Variants in PRKN observed in about 807,000 individuals in gnomAD.
The protein encoded by PRKN is E3 ubiquitin-protein ligase parkin.
In PRKN, 56 loss-of-function variants were observed where a neutral mutation model predicts 59.5. The observed-to-expected ratio is 0.94, with a 90% CI of 0.76 to 1.18. PRKN has a LOEUF of 1.18. Among genes scored for constraint, PRKN ranks in the 50% most tolerant of loss-of-function variants. The pLI, the probability that PRKN is intolerant of heterozygous loss-of-function variation, is 0.00. For synonymous variants in PRKN, 250 were observed against 222.1 expected, an observed-to-expected ratio of 1.13 and a Z score of -1.12; for missense variants, 657 against 596.4, an observed-to-expected ratio of 1.10 and a Z score of -1.06.
At chr6:162,331,302 TG>T (rs1783560458) in intron 2 of PRKN, among the ~76,000 whole-genome samples, 1 of 152,244 alleles carries the variant, frequency 6.6e-6, no homozygotes, top group Middle Eastern at 3.4e-3. Context: ...GAGATTTGGG[TG>T]GAGACACAGA....
intron 4 of PRKN, among the ~76,000 whole-genome samples, chr6:162,054,660 C>A (rs918374721): frequency 1.3e-5 from 2 of 152,192 alleles, no homozygotes; most frequent in East Asian, 1.9e-4. Flanking sequence ...CATCCCAGCA[C>A]CTAGAGGAGG....
At chr6:161,899,102 C>T (rs1777780221) in intron 6 of PRKN, among the ~76,000 whole-genome samples, 1 of 152,216 alleles carries the variant, frequency 6.6e-6, no homozygotes, top group Non-Finnish European at 1.5e-5. Flanking sequence ...CAGCATCCTC[C>T]ACCCCGCAGC....
At chr6:162,026,754 G>A (rs1256018574) in intron 5 of PRKN, among the ~76,000 whole-genome samples, 3 of 152,100 alleles carry the variant, frequency 2.0e-5, no homozygotes, top group African/African-American at 4.8e-5. Flanking sequence ...TTCTCCAACT[G>A]TGTACATTCA....
intron 11 of PRKN, among the ~76,000 whole-genome samples, chr6:161,351,466 A>C (rs1784548954): frequency 6.6e-6 from 1 of 151,626 alleles, no homozygotes; most frequent in Non-Finnish European, 1.5e-5. Flanking sequence ...CTGGGATTAC[A>C]GGCGCCCACC....
At chr6:162,604,317 C>G (rs564111428) in intron 1 of PRKN, among the ~76,000 whole-genome samples, 58 of 152,278 alleles carry the variant, frequency 3.8e-4, no homozygotes, top group African/African-American at 1.3e-3. Context: ...CTGTGGTAAT[C>G]CTTATTTGTT....
At position 161,362,134 on chromosome 6, in the gene PRKN, A is replaced by G. The variant is rs557808031; in HGVS notation, c.1168-1929T>C. Among the ~76,000 whole-genome samples, 1 of 152,338 alleles carries G rather than the reference A, an allele frequency of 6.6e-6. No homozygotes were observed. Among genetic ancestry groups the G allele is most frequent in the South Asian group, 2.1e-4 (1 of 4,830 alleles). On this transcript the variant is annotated intron_variant, in intron 10 of 11. Transcript: ENST00000366898. This position sits in a 1 kb window ranked among gnomAD's most constrained non-coding sequence, Gnocchi z 5.2. ...AAAATACAATTTTACTTATCAGAAA[A>G]TAATTTCAAAATGCCATTTTTTAGC... is the stretch of plus-strand genomic sequence containing the variant.
chr6:162,451,366 G>T, intron 1 of PRKN, among the ~76,000 whole-genome samples: 1 of 70,406 alleles, frequency 1.4e-5, no homozygotes, highest in South Asian at 4.5e-4. Context: ...CCTTAAAGGA[G>T]TAAAAAAAAA....
intron 9 of PRKN, among the ~76,000 whole-genome samples, chr6:161,431,047 G>A (rs1788623519): frequency 1.3e-5 from 2 of 151,200 alleles, no homozygotes; most frequent in Admixed American, 1.3e-4. Context: ...GTTGAGACAG[G>A]AGAATTGCTT....
At chr6:161,865,325 T>A (rs956650992) in intron 6 of PRKN, among the ~76,000 whole-genome samples, 1 of 152,230 alleles carries the variant, frequency 6.6e-6, no homozygotes, top group Non-Finnish European at 1.5e-5. Context: ...CTTAAGGGTC[T>A]TAGGATTTTA....
intron 6 of PRKN, among the ~76,000 whole-genome samples, chr6:161,915,623 A>G (rs575941495): frequency 6.6e-6 from 1 of 152,346 alleles, no homozygotes; most frequent in Non-Finnish European, 1.5e-5. Flanking sequence ...GTAGAACCAG[A>G]ACATTTTCAT....
rs1481057104 is a variant in PRKN, at chr6:162,619,151, T to TC, written c.7+108510_7+108511insG. On this transcript the variant is annotated intron_variant, in intron 1 of 11. Coordinates refer to ENST00000366898, the MANE Select transcript of PRKN (RefSeq NM_004562.3). The stretch of plus-strand genomic sequence containing the variant: ...TCTAATCCAGTATTTTTCCTTTTTT[T>TC]TTTTTTTTTTGAGATGGAGTCTCTC... Among the ~76,000 whole-genome samples the TC allele has an allele frequency of 3.4e-4, 51 of 150,952 alleles. No individual in the cohort carries two copies. The East Asian group carries it at 7.2e-3, about 21-fold the overall frequency.
intron 9 of PRKN, among the ~76,000 whole-genome samples, chr6:161,485,051 T>C (rs1228074809): frequency 6.6e-6 from 1 of 152,206 alleles, no homozygotes; most frequent in Non-Finnish European, 1.5e-5. Context: ...AGCATTTTGG[T>C]CACATATTAG....
Position 161,397,947 on chromosome 6 carries a change from G to A in PRKN, c.1084-11070C>T, listed in dbSNP as rs191689081. Among the ~76,000 whole-genome samples, 226 of 152,258 alleles carry A rather than the reference G, an allele frequency of 1.5e-3. No homozygotes were observed. The highest frequency in any genetic ancestry group is 5.1e-3 in the African/African-American group (211 of 41,544). ...GGGGTGGAAAAGGCTTCACAACAGA[G>A]AGCTCTGAATCAGTTTGAAAACAGC... is the stretch of plus-strand genomic sequence containing the variant. On this transcript the variant is annotated intron_variant, in intron 9 of 11. Coordinates refer to ENST00000366898, the MANE Select transcript of PRKN (RefSeq NM_004562.3). The surrounding 1 kb of genome is among the most constrained non-coding windows in gnomAD (Gnocchi z 4.2).
chr6:161,520,226 AT>A (rs56073676), intron 9 of PRKN, among the ~76,000 whole-genome samples: 67 of 131,306 alleles, frequency 5.1e-4, no homozygotes, highest in Admixed American at 1.4e-3. Context: ...CTCTCTATGC[AT>A]TTTTTTTTTT....
At position 161,468,054 on chromosome 6, in the gene PRKN, C is replaced by A. The variant is rs746954372; in HGVS notation, c.1083+80800G>T. On this transcript the variant is annotated intron_variant, in intron 9 of 11. Coordinates refer to ENST00000366898, the MANE Select transcript of PRKN (RefSeq NM_004562.3). This position sits in a 1 kb window ranked among gnomAD's most constrained non-coding sequence, Gnocchi z 5.9. ...GTGGTGTGATCTCAGCTCACTGCAACCTCTGCCTTCCGGGTTCAAGCAATT... is the reference window on the plus strand; with the variant it reads ...GTGGTGTGATCTCAGCTCACTGCAAACTCTGCCTTCCGGGTTCAAGCAATT... Among the ~76,000 whole-genome samples the A allele has an allele frequency of 3.3e-5, 5 of 152,098 alleles. No homozygotes were observed. Among genetic ancestry groups the A allele is most frequent in the African/African-American group, 4.8e-5 (2 of 41,398 alleles).
intron 9 of PRKN, among the ~76,000 whole-genome samples, chr6:161,452,781 A>G (rs139347222): frequency 1.3e-5 from 2 of 152,120 alleles, no homozygotes; most frequent in East Asian, 3.9e-4. Context: ...ATGGAGCCCT[A>G]TTTATAGTTG....
At chr6:161,668,353 T>C (rs1217123989) in intron 7 of PRKN, among the ~76,000 whole-genome samples, 1 of 151,396 alleles carries the variant, frequency 6.6e-6, no homozygotes, top group Non-Finnish European at 1.5e-5. Flanking sequence ...ACAGATCTCA[T>C]TATGAGCATA....
At chr6:162,416,991 GCTC>G (rs1415426494) in intron 2 of PRKN, among the ~76,000 whole-genome samples, 2 of 152,108 alleles carry the variant, frequency 1.3e-5, no homozygotes, top group Non-Finnish European at 1.5e-5. Context: ...TAAATCTATA[GCTC>G]TTCTGCTCCA....
chr6:162,129,922 C>T (rs922504590), intron 4 of PRKN, among the ~76,000 whole-genome samples: 4 of 151,564 alleles, frequency 2.6e-5, no homozygotes, highest in Admixed American at 6.6e-5. Flanking sequence ...TAAAAATATA[C>T]GAAAATAGGA....
Sources: allele counts gnomAD v4.1 joint callset (sites outside exome capture counted in the v4.1 genomes callset), GRCh38; gene constraint gnomAD v4.1.1; non-coding constraint Gnocchi (gnomAD v3.1); transcripts MANE v1.5; gene names NCBI Gene and HGNC (gene_info 2026-07-23, HGNC 2026-07-21).